TUSC3: variants seen among roughly 807,000 people sequenced by gnomAD.
TUSC3 encodes dolichyl-diphosphooligosaccharide--protein glycosyltransferase subunit TUSC3.
In TUSC3, 45 loss-of-function variants were observed where a neutral mutation model predicts 44.8. That is an observed-to-expected ratio of 1.00 (90% CI 0.79 to 1.29). TUSC3 has a LOEUF of 1.29. TUSC3 is among the 50% of genes most tolerant of loss of function. TUSC3 has a pLI of 0.00. For synonymous variants in TUSC3, 212 were observed against 152.9 expected (o/e 1.39, Z -2.85); for missense variants, 519 against 437.9 (o/e 1.19, Z -1.65).
intron 1 of TUSC3, among the ~76,000 whole-genome samples, chr8:15,612,109 C>T (rs943516448): frequency 4.6e-5 from 7 of 152,186 alleles, no homozygotes; most frequent in African/African-American, 1.7e-4. Context: ...ACGTCTTGTT[C>T]TCATTCCAGA....
the TUSC3 span, among the ~76,000 whole-genome samples, chr8:15,807,625 C>T: frequency 6.6e-6 from 1 of 152,184 alleles, no homozygotes; most frequent in Non-Finnish European, 1.5e-5. Context: ...GGTGCCCATC[C>T]GTGGTGGATT....
At chr8:15,480,449 T>C (rs1800642861) in intron 1 of TUSC3, among the ~76,000 whole-genome samples, 1 of 152,226 alleles carries the variant, frequency 6.6e-6, no homozygotes, top group African/African-American at 2.4e-5. Context: ...AAACAACAGA[T>C]ATGTACTTTC....
chr8:15,444,254 A>G (rs2129118909), intron 1 of TUSC3, among the ~76,000 whole-genome samples: 1 of 152,142 alleles, frequency 6.6e-6, no homozygotes, highest in African/African-American at 2.4e-5. Flanking sequence ...TAAAGACAAG[A>G]CTCTTCATGA....
At chr8:15,666,678 T>A (rs1408109936) in intron 5 of TUSC3, among the ~76,000 whole-genome samples, 1 of 151,424 alleles carries the variant, frequency 6.6e-6, no homozygotes, top group Non-Finnish European at 1.5e-5. Flanking sequence ...TATATACATA[T>A]AATCTTTATT....
At chr8:15,706,214 A>G (rs887675195) in intron 6 of TUSC3, among the ~76,000 whole-genome samples, 3 of 151,966 alleles carry the variant, frequency 2.0e-5, no homozygotes, top group South Asian at 2.1e-4. Context: ...TATATGGTAT[A>G]TTTTGGTATA....
intron 2 of TUSC3, among the ~76,000 whole-genome samples, chr8:15,521,926 G>A (rs937320191): frequency 3.3e-5 from 5 of 152,192 alleles, no homozygotes; most frequent in African/African-American, 9.7e-5. Flanking sequence ...TGCAATTAAA[G>A]TAATAGCAAA....
chr8:15,675,198 A>G (rs765934840), intron 6 of TUSC3, among the ~76,000 whole-genome samples: 2 of 152,154 alleles, frequency 1.3e-5, no homozygotes, highest in Non-Finnish European at 2.9e-5. Context: ...GAAGGGCCTG[A>G]TGCAAAGATC....
chr8:15,468,879 TA>T (rs1443382691), intron 1 of TUSC3, among the ~76,000 whole-genome samples: 3 of 150,588 alleles, frequency 2.0e-5, no homozygotes, highest in Non-Finnish European at 4.4e-5. Context: ...GAGACTCTAA[TA>T]AAAAGGAATA....
At chr8:15,675,869 G>A (rs1178265158) in intron 6 of TUSC3, among the ~76,000 whole-genome samples, 2 of 151,972 alleles carry the variant, frequency 1.3e-5, no homozygotes, top group Non-Finnish European at 2.9e-5. Flanking sequence ...CATATCTTTG[G>A]TATTGAGAAT....
At chr8:15,667,093 A>G (rs1209249165) in intron 5 of TUSC3, among the ~76,000 whole-genome samples, 1 of 151,558 alleles carries the variant, frequency 6.6e-6, no homozygotes, top group African/African-American at 2.4e-5. Context: ...GTGAAGTTCC[A>G]TACATGGATC....
intron 1 of TUSC3, among the ~76,000 whole-genome samples, chr8:15,434,629 C>T (rs1189020935): frequency 6.6e-6 from 1 of 151,086 alleles, no homozygotes; most frequent in African/African-American, 2.4e-5. Context: ...GTGCTGCACC[C>T]ATTAACTCGT....
intron 1 of TUSC3, among the ~76,000 whole-genome samples, chr8:15,480,542 T>C (rs1800644394): frequency 6.6e-6 from 1 of 152,184 alleles, no homozygotes; most frequent in Non-Finnish European, 1.5e-5. Context: ...TCATGTCTGA[T>C]TTGATTCTTT....
chr8:15,584,468 TAAAG>T (rs1585125919), intron 1 of TUSC3, among the ~76,000 whole-genome samples: 2 of 152,146 alleles, frequency 1.3e-5, no homozygotes, highest in African/African-American at 4.8e-5. Flanking sequence ...AATCTAAAGG[TAAAG>T]AAAGTACATC....
intron 2 of TUSC3, among the ~76,000 whole-genome samples, chr8:15,494,409 C>G (rs1452421148): frequency 6.6e-6 from 1 of 151,790 alleles, no homozygotes; most frequent in Non-Finnish European, 1.5e-5. Flanking sequence ...CCTCTGCCTC[C>G]CAGGTTCAAG....
intron 7 of TUSC3, among the ~76,000 whole-genome samples, chr8:15,742,745 A>G (rs986907027): frequency 6.6e-6 from 1 of 152,260 alleles, no homozygotes; most frequent in African/African-American, 2.4e-5. Flanking sequence ...TAGTCCATTA[A>G]TCGCTTGGGC....
rs755305297 is a variant in TUSC3, at chr8:15,650,677, T to C, written c.309-20T>C. 2 of 1,604,522 alleles carry C rather than the reference T, an allele frequency of 1.2e-6. No individual in the cohort carries two copies. Among genetic ancestry groups the C allele is most frequent in the Middle Eastern group, 1.7e-4 (1 of 6,042 alleles). ...CTTCAGTACTGATGTGTTTCTACTA[T>C]GGCCCATTATTCTTATCAGGCAAGC... On this transcript the variant is annotated intron_variant, in intron 2 of 10. Coordinates refer to ENST00000503731, the MANE Select transcript of TUSC3 (RefSeq NM_006765.4).
chr8:15,451,729 C>A (rs949559549), intron 1 of TUSC3, among the ~76,000 whole-genome samples: 2 of 152,072 alleles, frequency 1.3e-5, no homozygotes, highest in African/African-American at 4.8e-5. Context: ...GGCTTGCAAT[C>A]GATGGGGGCA....
At chr8:15,633,459 G>A (rs927056193) in intron 2 of TUSC3, among the ~76,000 whole-genome samples, 4 of 152,260 alleles carry the variant, frequency 2.6e-5, no homozygotes, top group African/African-American at 9.6e-5. Context: ...TAACCCCCAG[G>A]TAGCCCAGAC....
intron 1 of TUSC3, among the ~76,000 whole-genome samples, chr8:15,440,592 T>A (rs1800008085): frequency 6.6e-6 from 1 of 152,190 alleles, no homozygotes; most frequent in African/African-American, 2.4e-5. Context: ...GCATAGCATC[T>A]TACAGGATGG....
Sources: gnomAD v4.1 joint callset for allele counts (sites outside exome capture counted in the v4.1 genomes callset) on GRCh38, gnomAD v4.1.1 for gene constraint, MANE v1.5 for transcripts, NCBI Gene and HGNC (gene_info 2026-07-23, HGNC 2026-07-21) for gene names.